The following CDH12 variants were observed in gnomAD, a reference collection of about 807,000 sequenced individuals.
CDH12 encodes the protein cadherin 12, also known as cadherin-12.
Under a neutral mutation model 74.1 loss-of-function variants are expected in CDH12, and 41 were observed. The ratio of observed to expected loss-of-function variants is 0.55; its 90% CI spans 0.43 to 0.72. CDH12 has a LOEUF of 0.72. Ranked by LOEUF, CDH12 falls within the 30% of genes least tolerant of loss-of-function variation. The pLI is 0.00. For synonymous variants in CDH12, 399 were observed against 355.0 expected, an observed-to-expected ratio of 1.12 and a Z score of -1.39; for missense variants, 945 against 977.2, an observed-to-expected ratio of 0.97 and a Z score of 0.44.
intron 2 of CDH12, among the ~76,000 whole-genome samples, chr5:22,487,684 C>G (rs1242211555): frequency 6.6e-6 from 1 of 152,128 alleles, no homozygotes; most frequent in East Asian, 1.9e-4. Context: ...TGCTCATTGA[C>G]TAATGGCAAA....
chr5:22,739,587 C>T (rs967565132), intron 1 of CDH12, among the ~76,000 whole-genome samples: 5 of 152,006 alleles, frequency 3.3e-5, no homozygotes, highest in South Asian at 2.1e-4. Flanking sequence ...TAAGACCTAT[C>T]GTCTTACAAA....
intron 4 of CDH12, among the ~76,000 whole-genome samples, chr5:22,097,170 C>T (rs897023641): frequency 6.6e-6 from 1 of 152,170 alleles, no homozygotes; most frequent in Admixed American, 6.5e-5. Flanking sequence ...CCTAGGATTC[C>T]TCCTAAGCTG....
At chr5:22,210,451 T>C (rs1205857709) in intron 4 of CDH12, among the ~76,000 whole-genome samples, 1 of 149,744 alleles carries the variant, frequency 6.7e-6, no homozygotes, top group African/African-American at 2.5e-5. Context: ...ACTATGACAA[T>C]GGTAAAACTC....
chr5:22,712,274 A>G (rs1392057429), intron 1 of CDH12, among the ~76,000 whole-genome samples: 2 of 152,102 alleles, frequency 1.3e-5, no homozygotes, highest in Non-Finnish European at 2.9e-5. Context: ...TTTGACATAA[A>G]AAAGTGATCT....
intron 1 of CDH12, among the ~76,000 whole-genome samples, chr5:22,586,861 G>T (rs62351362): frequency 1.2e-5 from 1 of 82,152 alleles, no homozygotes; most frequent in Non-Finnish European, 2.4e-5. Context: ...TTTTTTTTTG[G>T]AGAAGACAGA....
Position 22,270,794 on chromosome 5 carries a change from C to T in CDH12, c.-332-58151G>A, listed in dbSNP as rs184409298. 7.6e-4 allele frequency among the ~76,000 whole-genome samples: 115 copies of T among 152,052 alleles called. 1 individual carries two copies. Among genetic ancestry groups the T allele is most frequent in the African/African-American group, 2.7e-3 (112 of 41,514 alleles). ...TCAAGCGATTCTCCTGCTTCAGCCTCCAAAGTAGCTGGGATTACAGGTGCC... is the reference window on the plus strand; with the variant it reads ...TCAAGCGATTCTCCTGCTTCAGCCTTCAAAGTAGCTGGGATTACAGGTGCC... On this transcript the variant is annotated intron_variant, in intron 3 of 14. Transcript: ENST00000382254.
At chr5:22,325,662 G>A (rs372393710) in intron 3 of CDH12, among the ~76,000 whole-genome samples, 3 of 152,156 alleles carry the variant, frequency 2.0e-5, no homozygotes, top group South Asian at 4.1e-4. Flanking sequence ...CGAGGCGGGC[G>A]CATCACAAGG....
chr5:22,009,036 T>C (rs920137799), intron 5 of CDH12, among the ~76,000 whole-genome samples: 1 of 152,240 alleles, frequency 6.6e-6, no homozygotes, highest in African/African-American at 2.4e-5. Context: ...CCATAGTCCT[T>C]GTTTACTGTC....
At chr5:22,006,152 C>G (rs185700543) in intron 5 of CDH12, among the ~76,000 whole-genome samples, 16 of 152,036 alleles carry the variant, frequency 1.1e-4, no homozygotes, top group Non-Finnish European at 1.3e-4. Context: ...TTGGGTAACT[C>G]TATGTCTGTG....
rs557273211 is a variant in CDH12, at chr5:22,174,957, T to G, written c.-187+37541A>C. On this transcript the variant is annotated intron_variant, in intron 4 of 14. Coordinates refer to ENST00000382254, the MANE Select transcript of CDH12 (RefSeq NM_004061.5). ...TCTCAAGGCTCTAATGACTCTATAT[T>G]ATTTATTAGTCTTCCACATTAATGT... Among the ~76,000 whole-genome samples the G allele has an allele frequency of 5.3e-5, 8 of 152,110 alleles. No individual in the cohort carries two copies. The South Asian group carries it at 1.7e-3, about 32-fold the overall frequency.
chr5:22,384,590 A>T (rs1466067006), intron 3 of CDH12, among the ~76,000 whole-genome samples: 6 of 151,926 alleles, frequency 3.9e-5, no homozygotes, highest in Admixed American at 3.9e-4. Context: ...ACCAAAACTA[A>T]TTCAGAAAAA....
intron 5 of CDH12, among the ~76,000 whole-genome samples, chr5:22,060,073 T>C (rs1741082663): frequency 6.6e-6 from 1 of 152,096 alleles, no homozygotes; most frequent in Non-Finnish European, 1.5e-5. Flanking sequence ...TCAACAAGAT[T>C]CAGAATGAAA....
intron 2 of CDH12, among the ~76,000 whole-genome samples, chr5:22,451,171 T>A (rs1424088696): frequency 6.6e-6 from 1 of 151,922 alleles, no homozygotes; most frequent in Non-Finnish European, 1.5e-5. Flanking sequence ...TCATGTTCAC[T>A]CCTTCATTCC....
chr5:22,088,685 T>C (rs988846897), intron 4 of CDH12, among the ~76,000 whole-genome samples: 2 of 152,122 alleles, frequency 1.3e-5, no homozygotes, highest in Non-Finnish European at 2.9e-5. Context: ...GTAAACTCCT[T>C]GTCTGATGTT....
chr5:22,229,858 G>A (rs1444487644), intron 3 of CDH12, among the ~76,000 whole-genome samples: 1 of 151,080 alleles, frequency 6.6e-6, no homozygotes, highest in African/African-American at 2.4e-5. Flanking sequence ...TTTTCTAATT[G>A]ATACACACAC....
intron 2 of CDH12, among the ~76,000 whole-genome samples, chr5:22,477,002 T>A (rs1477185091): frequency 2.6e-5 from 4 of 152,158 alleles, no homozygotes; most frequent in African/African-American, 9.7e-5. Flanking sequence ...TAGGCCTTTT[T>A]TCTTGTAACT....
intron 2 of CDH12, among the ~76,000 whole-genome samples, chr5:22,499,550 T>G (rs1561450353): frequency 6.6e-6 from 1 of 152,152 alleles, no homozygotes; most frequent in Non-Finnish European, 1.5e-5. Flanking sequence ...TTGAAATCAT[T>G]ATATGAGCTT....
intron 3 of CDH12, among the ~76,000 whole-genome samples, chr5:22,351,097 T>G (rs532065731): frequency 2.6e-4 from 40 of 152,250 alleles, no homozygotes; most frequent in African/African-American, 9.4e-4. Context: ...ATATGATGTC[T>G]AAGGAGCTCT....
chr5:22,037,536 T>C, intron 5 of CDH12, among the ~76,000 whole-genome samples: 1 of 152,168 alleles, frequency 6.6e-6, no homozygotes, highest in East Asian at 1.9e-4. Context: ...TTGATTTTTT[T>C]CCTGTTCAGA....
Sources: gnomAD v4.1 joint callset for allele counts (sites outside exome capture counted in the v4.1 genomes callset) on GRCh38, gnomAD v4.1.1 for gene constraint, MANE v1.5 for transcripts, NCBI Gene and HGNC (gene_info 2026-07-23, HGNC 2026-07-21) for gene names.